TTLL7: variants seen among roughly 807,000 people sequenced by gnomAD.
The protein encoded by TTLL7 is tubulin polyglutamylase TTLL7.
In TTLL7, 53 loss-of-function variants were observed where a neutral mutation model predicts 120.2. That is an observed-to-expected ratio of 0.44 (90% CI 0.35 to 0.55). The LOEUF is 0.55. TTLL7 is among the 20% of genes least tolerant of loss of function. The pLI is 0.00. For missense variants in TTLL7, 803 were observed against 1,054.7 expected (o/e 0.76, Z 3.31); for synonymous variants, 353 against 351.7 (o/e 1.00, Z -0.04).
chr1:83,965,722 C>T (rs1383758379), intron 1 of TTLL7, among the ~76,000 whole-genome samples: 4 of 151,994 alleles, frequency 2.6e-5, no homozygotes, highest in Non-Finnish European at 5.9e-5. Context: ...TTCTCTACAG[C>T]GCAGGCATTG....
intron 9 of TTLL7, among the ~76,000 whole-genome samples, chr1:83,929,761 T>C (rs1179457308): frequency 1.3e-4 from 20 of 152,172 alleles, no homozygotes; most frequent in Admixed American, 1.3e-3. Flanking sequence ...TTGTCTTTGT[T>C]GAGTCTTGTT....
chr1:83,974,900 T>C, intron 1 of TTLL7, among the ~76,000 whole-genome samples: 1 of 152,062 alleles, frequency 6.6e-6, no homozygotes, highest in East Asian at 1.9e-4. Context: ...AATTCCATAA[T>C]TCACTGAAAT....
intron 1 of TTLL7, among the ~76,000 whole-genome samples, chr1:83,989,837 T>C (rs1021954124): frequency 6.6e-4 from 100 of 152,332 alleles, no homozygotes; most frequent in Non-Finnish European, 1.4e-3. Flanking sequence ...CTCTCTGATT[T>C]CTTTCAGCAG....
In TTLL7 at chr1:83,951,894, T is replaced by C; in HGVS notation, c.108A>G (p.Lys36=). The change falls in exon 3 of 21, where the codon AAA becomes AAG. Residue 36 remains lysine, a synonymous_variant. Coordinates refer to ENST00000260505, the MANE Select transcript of TTLL7 (RefSeq NM_024686.6). ...STMKRKVRKK[K]KKGTITANVA... is the part of the protein sequence containing the mutation. ...CATTTGCTGTAATGGTTCCCTTCTT[T>C]TTCTTCTTTCTGACTTTCCTTTTCA... 6.2e-7 allele frequency: 1 copy of C among 1,613,668 alleles called. No individual in the cohort carries two copies. Among genetic ancestry groups the C allele is most frequent in the Non-Finnish European group, 8.5e-7 (1 of 1,179,832 alleles).
chr1:83,972,830 C>T (rs1026667066), intron 1 of TTLL7, among the ~76,000 whole-genome samples: 6 of 152,024 alleles, frequency 3.9e-5, no homozygotes, highest in African/African-American at 9.7e-5. Context: ...GACATAGATG[C>T]GGAGCTCTTT....
chr1:83,999,079 G>T lies in TTLL7; in HGVS notation c.-325C>A. ...CGGTGCTCTCCTCCGCCCGCCCACC[G>T]CCCGTGGCAGCCACGGCTCGGGACT... On this transcript the variant is annotated 5_prime_UTR_variant, in exon 1 of 21. Coordinates refer to ENST00000260505, the MANE Select transcript of TTLL7 (RefSeq NM_024686.6). 3 of 445,246 alleles carry T rather than the reference G, an allele frequency of 6.7e-6. No homozygotes were observed. The highest frequency in any genetic ancestry group is 4.8e-5 in the South Asian group (3 of 62,758). 27.6% of individuals were successfully genotyped at this position (445,246 alleles called of 1,614,324 possible). A position where few individuals can be genotyped will look rare whatever the true frequency, so the allele number is the denominator to read the frequency against.
chr1:83,948,364 C>A (rs1420980459), intron 5 of TTLL7, among the ~76,000 whole-genome samples: 1 of 152,154 alleles, frequency 6.6e-6, no homozygotes, highest in African/African-American at 2.4e-5. Flanking sequence ...GCCTGAGATT[C>A]TGGAGACTGA....
At chr1:83,870,860 G>A (rs1023156737) in intron 20 of TTLL7, among the ~76,000 whole-genome samples, 4 of 150,748 alleles carry the variant, frequency 2.7e-5, no homozygotes, top group Non-Finnish European at 5.9e-5. Flanking sequence ...GGTGAGCTGA[G>A]ATCGCGCCAT....
intron 9 of TTLL7, 87 bp from the exon 10 acceptor site, chr1:83,929,317 G>T: frequency 2.1e-6 from 2 of 934,652 alleles, no homozygotes; most frequent in Non-Finnish European, 3.2e-6. Context: ...CTAGCCAGTA[G>T]AACAACTCTA....
At chr1:83,909,688 T>C (rs1387283290) in intron 15 of TTLL7, among the ~76,000 whole-genome samples, 4 of 152,172 alleles carry the variant, frequency 2.6e-5, no homozygotes. Flanking sequence ...CTGTATATTT[T>C]AGTGCACTAT....
Position 83,906,399 on chromosome 1 carries a change from A to C in TTLL7, c.2057T>G (p.Phe686Cys), listed in dbSNP as rs1252991745. 1 of 1,612,506 alleles carries C rather than the reference A, an allele frequency of 6.2e-7. No homozygotes were observed. Among genetic ancestry groups the C allele is most frequent in the Admixed American group, 1.7e-5 (1 of 59,858 alleles). The change falls in exon 17 of 21, where the codon TTT becomes TGT. Residue 686 changes from phenylalanine to cysteine, a missense_variant. Phe to Cys is a radical substitution (Grantham distance 205). Around this residue, in one of 3 missense-constraint regions of TTLL7, gnomAD observed 388 missense variants for 450.4 expected, o/e 0.86. Coordinates refer to ENST00000260505, the MANE Select transcript of TTLL7 (RefSeq NM_024686.6). ...CCGGATCTTCATGTCTTTGAGAACA[A>C]ATAAGGTCTGACTTGTTAGATCATC... Reference protein sequence around the residue: ...QEDDLTSQTLFVLKDMKIRFP... With the variant: ...QEDDLTSQTLCVLKDMKIRFP...
chr1:83,940,310 T>TAA (rs1647834269), intron 7 of TTLL7, among the ~76,000 whole-genome samples: 1 of 152,206 alleles, frequency 6.6e-6, no homozygotes, highest in East Asian at 1.9e-4. Flanking sequence ...TACATATATA[T>TAA]AATCCACTCT....
intron 7 of TTLL7, 54 bp downstream of exon 7, chr1:83,942,409 A>G (rs1477284612): frequency 6.8e-7 from 1 of 1,471,348 alleles, no homozygotes; most frequent in Non-Finnish European, 9.4e-7. Context: ...GATGCTTTAA[A>G]AAGTATATGT....
At chr1:83,990,194 A>AGTCTCGCT (rs1652853115) in intron 1 of TTLL7, among the ~76,000 whole-genome samples, 1 of 110,924 alleles carries the variant, frequency 9.0e-6, no homozygotes, top group African/African-American at 3.5e-5. Context: ...TTTGAGACGG[A>AGTCTCGCT]GTCTCGCTCT....
At chr1:83,880,164 G>A (rs984483720) in intron 20 of TTLL7, 9 of 151,948 alleles carry the variant, frequency 5.9e-5, no homozygotes, top group African/African-American at 1.9e-4. Flanking sequence ...ATTAATGAAA[G>A]TATTAAAAGT....
At chr1:83,982,506 ATTG>A (rs1240801103) in intron 1 of TTLL7, among the ~76,000 whole-genome samples, 1 of 152,190 alleles carries the variant, frequency 6.6e-6, no homozygotes, top group Non-Finnish European at 1.5e-5. Flanking sequence ...ATACACCAAT[ATTG>A]TTCTAGCTGA....
intron 1 of TTLL7, among the ~76,000 whole-genome samples, chr1:83,954,569 T>G (rs1164267643): frequency 3.3e-5 from 5 of 152,206 alleles, no homozygotes; most frequent in Non-Finnish European, 7.3e-5. Context: ...TTCTCAACCT[T>G]GGCTGCAAAG....
Position 83,890,400 on chromosome 1 carries a change from A to G in TTLL7, c.2290T>C (p.Tyr764His), listed in dbSNP as rs1557555522. 6.2e-7 allele frequency: 1 copy of G among 1,613,330 alleles called. No homozygotes were observed. The change falls in exon 19 of 21, where the codon TAT becomes CAT. Residue 764 changes from tyrosine (Y) to histidine (H), a missense_variant. By Grantham distance (83) the Tyr-to-His change is moderately conservative. Transcript: ENST00000260505. ...KVPDVEEVNL[Y>H]RIFNRVFNRL... ...TTAAAAACCCGGTTGAAAATCCGAT[A>G]TAAATTTACTTCTTCAACATCAGGC...
chr1:83,936,366 T>C (rs1215958669), intron 8 of TTLL7, among the ~76,000 whole-genome samples: 1 of 152,088 alleles, frequency 6.6e-6, no homozygotes, highest in Non-Finnish European at 1.5e-5. Flanking sequence ...AAAAAAAGAA[T>C]GCCAGAGGGT....
Sources: allele counts gnomAD v4.1 joint callset (sites outside exome capture counted in the v4.1 genomes callset), GRCh38; gene constraint gnomAD v4.1.1; regional missense constraint gnomAD v4.1.1; transcripts MANE v1.5; gene names NCBI Gene and HGNC (gene_info 2026-07-23, HGNC 2026-07-21).